VKORC1L1: variants seen among roughly 807,000 people sequenced by gnomAD.
The protein encoded by VKORC1L1 is vitamin K epoxide reductase complex subunit 1-like protein 1.
In VKORC1L1, 2 loss-of-function variants were observed where a neutral mutation model predicts 18.9. That is an observed-to-expected ratio of 0.11 (90% CI 0.04 to 0.33). The LOEUF (loss-of-function observed/expected upper bound fraction) is 0.33, where lower values mean the gene tolerates loss of function less well. Ranked by LOEUF, VKORC1L1 falls within the 10% of genes least tolerant of loss-of-function variation. The probability of loss-of-function intolerance (pLI) is 1.00; values close to 1 mark genes in which losing one functional copy is unlikely to be tolerated. For missense variants in VKORC1L1, 123 were observed against 224.1 expected (o/e 0.55, Z 2.88); for synonymous variants, 96 against 100.0 (o/e 0.96, Z 0.24).
chr7:65,940,845 T>A (rs1790021236), intron 1 of VKORC1L1, among the ~76,000 whole-genome samples: 1 of 152,194 alleles, frequency 6.6e-6, no homozygotes, highest in Non-Finnish European at 1.5e-5. Context: ...ATGGACAGTA[T>A]AACATGTCCC....
At chr7:65,885,697 A>C (rs1227952467) in intron 1 of VKORC1L1, among the ~76,000 whole-genome samples, 1 of 152,070 alleles carries the variant, frequency 6.6e-6, no homozygotes, top group Non-Finnish European at 1.5e-5. Flanking sequence ...TTCTGCATAC[A>C]TAAGGCCTCT....
chr7:65,941,237 C>T (rs1206625120), intron 1 of VKORC1L1, among the ~76,000 whole-genome samples: 1 of 152,176 alleles, frequency 6.6e-6, no homozygotes, highest in Non-Finnish European at 1.5e-5. Context: ...TTCCAAGTAG[C>T]TGGGACTACA....
chr7:65,935,681 T>G (rs999278290), intron 1 of VKORC1L1, among the ~76,000 whole-genome samples: 2 of 152,206 alleles, frequency 1.3e-5, no homozygotes, highest in African/African-American at 4.8e-5. Flanking sequence ...GTCATTTTTC[T>G]CTGGATGCTT....
intron 1 of VKORC1L1, among the ~76,000 whole-genome samples, chr7:65,883,081 T>C (rs535799906): frequency 1.3e-5 from 2 of 151,930 alleles, no homozygotes; most frequent in East Asian, 3.9e-4. Flanking sequence ...TAATTTAAAG[T>C]TGGTGTTCGT....
chr7:65,876,492 ACT>A (rs992229190), intron 1 of VKORC1L1, among the ~76,000 whole-genome samples: 17 of 147,850 alleles, frequency 1.1e-4, no homozygotes, highest in African/African-American at 4.3e-4. Flanking sequence ...ACAGAACGAG[ACT>A]CTGTCTTTAA....
intron 1 of VKORC1L1, among the ~76,000 whole-genome samples, chr7:65,910,468 A>G (rs1789484714): frequency 6.6e-6 from 1 of 152,222 alleles, no homozygotes. Flanking sequence ...CAGCTGTGCT[A>G]TCAGAACATT....
chr7:65,931,668 G>A (rs1287812153), intron 1 of VKORC1L1, among the ~76,000 whole-genome samples: 1 of 152,064 alleles, frequency 6.6e-6, no homozygotes, highest in Non-Finnish European at 1.5e-5. Flanking sequence ...TTGAGATGCA[G>A]TCTCGCTCTG....
intron 1 of VKORC1L1, among the ~76,000 whole-genome samples, chr7:65,887,850 A>T (rs1006702447): frequency 6.6e-6 from 1 of 152,230 alleles, no homozygotes; most frequent in African/African-American, 2.4e-5. Context: ...AACAAATAAC[A>T]GGATTGCTTC....
chr7:65,874,543 C>T (rs1788793290), intron 1 of VKORC1L1, among the ~76,000 whole-genome samples: 2 of 152,074 alleles, frequency 1.3e-5, no homozygotes, highest in Admixed American at 1.3e-4. Context: ...CACAGTGGCT[C>T]ACGCCTGTAA....
chr7:65,905,436 C>T (rs1789391275), intron 1 of VKORC1L1, among the ~76,000 whole-genome samples: 1 of 151,950 alleles, frequency 6.6e-6, no homozygotes, highest in South Asian at 2.1e-4. Flanking sequence ...CAGCCTCCCA[C>T]ATAGCTGGGA....
At chr7:65,904,361 C>T (rs1789369323) in intron 1 of VKORC1L1, among the ~76,000 whole-genome samples, 2 of 152,064 alleles carry the variant, frequency 1.3e-5, no homozygotes, top group South Asian at 4.1e-4. Flanking sequence ...TGTGCCTCCA[C>T]ACCCAGCTAA....
intron 1 of VKORC1L1, among the ~76,000 whole-genome samples, chr7:65,874,683 A>G (rs1196243661): frequency 2.9e-4 from 44 of 152,038 alleles, no homozygotes; most frequent in African/African-American, 1.0e-3. Context: ...GCATGTGCCT[A>G]TAGTCCCAGC....
intron 1 of VKORC1L1, among the ~76,000 whole-genome samples, chr7:65,875,284 A>G (rs1788807462): frequency 6.6e-6 from 1 of 152,244 alleles, no homozygotes; most frequent in Non-Finnish European, 1.5e-5. Flanking sequence ...GGTAGTTTAT[A>G]TGCAGGCTGA....
At chr7:65,939,196 C>T (rs1321109291) in intron 1 of VKORC1L1, among the ~76,000 whole-genome samples, 2 of 152,150 alleles carry the variant, frequency 1.3e-5, no homozygotes, top group African/African-American at 2.4e-5. Flanking sequence ...TTGATGACCA[C>T]GACTCCGTGG....
intron 1 of VKORC1L1, among the ~76,000 whole-genome samples, chr7:65,886,519 GT>G (rs1416866185): frequency 6.6e-6 from 1 of 151,984 alleles, no homozygotes; most frequent in Non-Finnish European, 1.5e-5. Context: ...TTTTGAGAAG[GT>G]GAGAGTTTTT....
At chr7:65,908,493 A>G (rs982417577) in intron 1 of VKORC1L1, among the ~76,000 whole-genome samples, 1 of 152,056 alleles carries the variant, frequency 6.6e-6, no homozygotes, top group East Asian at 1.9e-4. Context: ...GCAAGTAACT[A>G]CTTAAGGCTA....
At chr7:65,913,118 C>T (rs1416145778) in intron 1 of VKORC1L1, among the ~76,000 whole-genome samples, 1 of 152,158 alleles carries the variant, frequency 6.6e-6, no homozygotes, top group Non-Finnish European at 1.5e-5. Flanking sequence ...GGGCTGCTCC[C>T]TCCACAGATC....
upstream of VKORC1L1, among the ~76,000 whole-genome samples, chr7:65,869,803 C>G (rs1788704164): frequency 6.6e-6 from 1 of 151,694 alleles, no homozygotes; most frequent in Admixed American, 6.6e-5. Flanking sequence ...GTGTGTGCCA[C>G]CACGCCTGGC....
chr7:65,877,873 A>G (rs1293460282), intron 1 of VKORC1L1, among the ~76,000 whole-genome samples: 5 of 152,048 alleles, frequency 3.3e-5, no homozygotes, highest in African/African-American at 1.2e-4. Flanking sequence ...ATCCTGGCAT[A>G]CTCAAGTCCC....
Sources: allele counts gnomAD v4.1 joint callset (sites outside exome capture counted in the v4.1 genomes callset), GRCh38; gene constraint gnomAD v4.1.1; transcripts MANE v1.5; gene names NCBI Gene and HGNC (gene_info 2026-07-23, HGNC 2026-07-21).